Variants in KIF3B observed in about 807,000 individuals in gnomAD.
The protein encoded by KIF3B is kinesin family member 3B, also known as kinesin-like protein KIF3B.
In KIF3B, 38 loss-of-function variants were observed where a neutral mutation model predicts 74.3. That is an observed-to-expected ratio of 0.51 (90% CI 0.39 to 0.67). The LOEUF is 0.67. Among genes scored for constraint, KIF3B ranks in the 30% least tolerant of loss-of-function variants. KIF3B has a pLI of 0.00. For missense variants in KIF3B, 649 were observed against 932.0 expected, an observed-to-expected ratio of 0.70 and a Z score of 3.95; for synonymous variants, 326 against 342.5, an observed-to-expected ratio of 0.95 and a Z score of 0.53.
intron 6 of KIF3B, 53 bp downstream of exon 6, chr20:32,326,937 T>C: frequency 1.1e-6 from 1 of 906,890 alleles, no homozygotes; most frequent in Non-Finnish European, 1.7e-6. Flanking sequence ...AGGAAAAGAA[T>C]GTTGATAACA....
chr20:32,309,599 A>T, intron 1 of KIF3B, 114 bp from the exon 2 acceptor site: 2 of 655,306 alleles, frequency 3.1e-6, no homozygotes, highest in Non-Finnish European at 5.1e-6. Context: ...TAGTAAAGTT[A>T]TCAGATATGG....
In KIF3B at chr20:32,310,068, A is replaced by G; in HGVS notation, c.291A>G (p.Gln97=). 1.2e-6 allele frequency: 2 copies of G among 1,614,194 alleles called. No individual in the cohort carries two copies. The highest frequency in any genetic ancestry group is 1.7e-6 in the Non-Finnish European group (2 of 1,180,030). Residue 97 remains glutamine (Q), a synonymous_variant, in exon 2 of 9, where the codon CAA becomes CAG. Transcript: ENST00000375712. This position sits in a 1 kb window ranked among gnomAD's most constrained non-coding sequence, Gnocchi z 6.5. ...GFNGTIFAYG[Q]TGTGKTYTME... ...ATGGAACCATTTTTGCCTATGGACA[A>G]ACTGGGACAGGAAAAACCTACACCA... is the stretch of plus-strand genomic sequence containing the variant.
chr20:32,298,064 C>G (rs2122672110), intron 1 of KIF3B, among the ~76,000 whole-genome samples: 1 of 145,890 alleles, frequency 6.9e-6, no homozygotes, highest in South Asian at 2.2e-4. Flanking sequence ...GAGCCAAGAT[C>G]ATGTCGTTGC....
chr20:32,324,575 C>T (rs576863017), intron 5 of KIF3B, among the ~76,000 whole-genome samples: 1 of 152,234 alleles, frequency 6.6e-6, no homozygotes, highest in African/African-American at 2.4e-5. Context: ...TGCAGCCTGG[C>T]CTGAGAAATG....
intron 5 of KIF3B, among the ~76,000 whole-genome samples, chr20:32,323,106 A>ATGTT (rs2047882544): frequency 8.7e-6 from 1 of 114,400 alleles, no homozygotes; most frequent in Non-Finnish European, 1.7e-5. Context: ...ATATATTTAT[A>ATGTT]TATATTTATA....
intron 1 of KIF3B, among the ~76,000 whole-genome samples, chr20:32,288,675 G>A (rs1331029236): frequency 6.6e-6 from 1 of 152,024 alleles, no homozygotes; most frequent in Admixed American, 6.6e-5. Context: ...TCTCTGAATA[G>A]GCTGTTTATT....
chr20:32,299,401 ATATTTTTTTTTTT>A (rs1416250592), intron 1 of KIF3B, among the ~76,000 whole-genome samples: 2 of 28,908 alleles, frequency 6.9e-5, no homozygotes, highest in Admixed American at 4.9e-4. Context: ...ATATATATAT[ATATTTTTTTTTTT>A]TTTTTTTTTT....
At chr20:32,302,303 G>T (rs1230123393) in intron 1 of KIF3B, among the ~76,000 whole-genome samples, 1 of 152,204 alleles carries the variant, frequency 6.6e-6, no homozygotes, top group Non-Finnish European at 1.5e-5. Flanking sequence ...GTCTAGCTGG[G>T]TGAGTTCAGA....
At chr20:32,279,868 A>G (rs2047634186) in intron 1 of KIF3B, among the ~76,000 whole-genome samples, 1 of 152,198 alleles carries the variant, frequency 6.6e-6, no homozygotes, top group South Asian at 2.1e-4. Context: ...CAGTGCTGTT[A>G]TGCAGTTGTG....
chr20:32,279,541 C>G (rs201161378), intron 1 of KIF3B, among the ~76,000 whole-genome samples: 2 of 151,800 alleles, frequency 1.3e-5, no homozygotes, highest in East Asian at 3.9e-4. Context: ...TCTCAGCTCA[C>G]TGCAACCTCC....
intron 1 of KIF3B, among the ~76,000 whole-genome samples, chr20:32,289,197 G>GTT (rs36069389): frequency 1.1e-4 from 14 of 126,864 alleles, no homozygotes; most frequent in Admixed American, 4.2e-4. Flanking sequence ...TACTGGTCTG[G>GTT]TTTTTTTTTT....
chr20:32,322,788 ATT>A (rs1465106666), intron 5 of KIF3B, among the ~76,000 whole-genome samples: 3 of 66,802 alleles, frequency 4.5e-5, no homozygotes, highest in Non-Finnish European at 7.3e-5. Context: ...ATTTATATAT[ATT>A]TATATATATA....
At chr20:32,307,502 T>G (rs898737350) in intron 1 of KIF3B, among the ~76,000 whole-genome samples, 1 of 152,164 alleles carries the variant, frequency 6.6e-6, no homozygotes, top group African/African-American at 2.4e-5. Context: ...GTATATGTCA[T>G]TGTTTAAAAT....
At chr20:32,331,197 T>C (rs960247601) in intron 8 of KIF3B, 26 bp from the exon 9 acceptor site, 3 of 1,508,662 alleles carry the variant, frequency 2.0e-6, no homozygotes, top group Non-Finnish European at 2.8e-6. Flanking sequence ...GGACATGTAA[T>C]ATAAACATGT....
At chr20:32,313,784 T>G (rs1264309227) in intron 2 of KIF3B, among the ~76,000 whole-genome samples, 18 of 152,172 alleles carry the variant, frequency 1.2e-4, no homozygotes, top group Admixed American at 1.2e-3. Flanking sequence ...CTTGGCTCAC[T>G]GCAGCCTTGA....
Position 32,316,531 on chromosome 20 carries a change from G to T in KIF3B, c.1511G>T (p.Arg504Leu). 1 of 1,613,878 alleles carries T rather than the reference G, an allele frequency of 6.2e-7. No individual in the cohort carries two copies. The highest frequency in any genetic ancestry group is 8.5e-7 in the Non-Finnish European group (1 of 1,179,942). The change falls in exon 4 of 9, where the codon CGT becomes CTT. Residue 504 changes from arginine (R) to leucine (L), a missense_variant. Around this residue, in one of 4 missense-constraint regions of KIF3B, gnomAD observed 363 missense variants for 592.8 expected, o/e 0.61. Coordinates refer to ENST00000375712, the MANE Select transcript of KIF3B (RefSeq NM_004798.4). ...QKRQEIAEQK[R>L]REREIQQQME... ...GAATTTTGTCATGTTGCTCAGAAAC[G>T]TCGAGAAAGAGAAATCCAGCAACAG... is the stretch of plus-strand genomic sequence containing the variant.
At chr20:32,327,004 T>C (rs1224832747) in intron 6 of KIF3B, 120 bp downstream of exon 6, 3 of 599,370 alleles carry the variant, frequency 5.0e-6, no homozygotes, top group Non-Finnish European at 8.8e-6. Flanking sequence ...TTATTTAAAC[T>C]CAAAACCCAC....
At position 32,310,721 on chromosome 20, in the gene KIF3B, C is replaced by T. The variant is rs777312199; in HGVS notation, c.944C>T (p.Ala315Val). ...GGCAATGCCAAGACTGTGATGGTGG[C>T]CAACGTGGGGCCTGCCTCTTACAAC... is the stretch of plus-strand genomic sequence containing the variant. ...LGGNAKTVMVANVGPASYNVE... is the reference protein window; with the variant it reads ...LGGNAKTVMVVNVGPASYNVE... Residue 315 changes from alanine (A) to valine (V), a missense_variant, in exon 2 of 9, where the codon GCC becomes GTC. Transcript: ENST00000375712. The surrounding 1 kb of genome is among the most constrained non-coding windows in gnomAD (Gnocchi z 6.5). 6.2e-7 allele frequency: 1 copy of T among 1,614,118 alleles called. No homozygotes were observed. Among genetic ancestry groups the T allele is most frequent in the Admixed American group, 1.7e-5 (1 of 60,002 alleles).
chr20:32,322,520 A>AG (rs2047865099), intron 5 of KIF3B, among the ~76,000 whole-genome samples: 1 of 146,806 alleles, frequency 6.8e-6, no homozygotes. Flanking sequence ...AGGCAAGAGA[A>AG]TCGCTTGAAC....
Sources: gnomAD v4.1 joint callset for allele counts (sites outside exome capture counted in the v4.1 genomes callset) on GRCh38, gnomAD v4.1.1 for gene constraint, gnomAD v4.1.1 regional missense constraint, Gnocchi (gnomAD v3.1) non-coding constraint, MANE v1.5 for transcripts, NCBI Gene and HGNC (gene_info 2026-07-23, HGNC 2026-07-21) for gene names.